TIMP3: variants seen among roughly 807,000 people sequenced by gnomAD.
The protein encoded by TIMP3 is metalloproteinase inhibitor 3.
A neutral mutation model predicts 30.0 loss-of-function variants in TIMP3; 11 were observed. The ratio of observed to expected loss-of-function variants is 0.37; its 90% CI spans 0.23 to 0.61. The LOEUF (loss-of-function observed/expected upper bound fraction) is 0.61. Among genes scored for constraint, TIMP3 ranks in the 20% least tolerant of loss-of-function variants. TIMP3 has a pLI of 0.70. For missense variants in TIMP3, 181 were observed against 276.8 expected (o/e 0.65, Z 2.45); for synonymous variants, 112 against 111.3 (o/e 1.01, Z -0.04).
At position 32,859,485 on chromosome 22, in the gene TIMP3, A is replaced by G; in HGVS notation, c.*108A>G. ...GAAATTAGTGCCTGTTTTCTTGCAA[A>G]TTTAGCACTTGGAACATTTAAAGAA... On this transcript the variant is annotated 3_prime_UTR_variant, in exon 5 of 5. Transcript: ENST00000266085. The G allele has an allele frequency of 1.5e-6, 2 of 1,358,164 alleles. No individual in the cohort carries two copies. The highest frequency in any genetic ancestry group is 2.0e-6 in the Non-Finnish European group (2 of 999,274). 84.1% of individuals were successfully genotyped at this position (1,358,164 alleles called of 1,614,324 possible). A position where few individuals can be genotyped will look rare whatever the true frequency, so the allele number is the denominator to read the frequency against.
chr22:32,807,621 A>G (rs1364652417), intron 1 of TIMP3, among the ~76,000 whole-genome samples: 1 of 150,258 alleles, frequency 6.7e-6, no homozygotes, highest in Non-Finnish European at 1.5e-5. Flanking sequence ...ACTGAGGCTT[A>G]GAAAAATGAG....
At chr22:32,846,268 T>C (rs1569271431) in intron 1 of TIMP3, among the ~76,000 whole-genome samples, 1 of 152,204 alleles carries the variant, frequency 6.6e-6, no homozygotes, top group East Asian at 1.9e-4. Flanking sequence ...AAATACCTCC[T>C]ATACTTGTTC....
rs117281568 is a variant in TIMP3 at position 32,827,329 on chromosome 22, C to T, written c.122-22123C>T. Among the ~76,000 whole-genome samples, 25 of 152,358 alleles carry T rather than the reference C, an allele frequency of 1.6e-4. No individual in the cohort carries two copies. In the East Asian group the frequency reaches 4.6e-3, roughly 28 times the overall value. ...TTTAAATATGTGAATTCATTTGGGC[C>T]TGGACAGCTGCATAGCTCAGGCTGG... On this transcript the variant is annotated intron_variant, in intron 1 of 4. Transcript: ENST00000266085.
chr22:32,807,722 C>T (rs1228640519), intron 1 of TIMP3, among the ~76,000 whole-genome samples: 1 of 151,144 alleles, frequency 6.6e-6, no homozygotes, highest in African/African-American at 2.4e-5. Context: ...AACAACTATA[C>T]TATAGGTCAC....
At chr22:32,841,543 A>T (rs2047902595) in intron 1 of TIMP3, among the ~76,000 whole-genome samples, 3 of 152,126 alleles carry the variant, frequency 2.0e-5, no homozygotes, top group Admixed American at 6.6e-5. Context: ...AAGGCCTGTT[A>T]TCTGGAGCTC....
Position 32,859,231 on chromosome 22 carries a change from C to A in TIMP3, c.490C>A (p.Leu164Ile). 6.2e-7 allele frequency: 1 copy of A among 1,614,174 alleles called. No individual in the cohort carries two copies. Among genetic ancestry groups the A allele is most frequent in the Non-Finnish European group, 8.5e-7 (1 of 1,180,044 alleles). ...CTTTGTGACTTCCAAGAACGAGTGTCTCTGGACCGACATGCTCTCCAATTT... is the reference window on the plus strand; with the variant it reads ...CTTTGTGACTTCCAAGAACGAGTGTATCTGGACCGACATGCTCTCCAATTT... Reference protein sequence around the residue: ...PCFVTSKNECLWTDMLSNFGY... With the variant: ...PCFVTSKNECIWTDMLSNFGY... The change falls in exon 5 of 5, where the codon CTC becomes ATC. Residue 164 changes from leucine (L) to isoleucine (I), a missense_variant. Physicochemically the swap from Leu to Ile is conservative, Grantham distance 5. Coordinates refer to ENST00000266085, the MANE Select transcript of TIMP3 (RefSeq NM_000362.5).
intron 3 of TIMP3, 146 bp from the exon 4 acceptor site, chr22:32,857,871 G>A (rs1281214210): frequency 2.4e-6 from 3 of 1,233,406 alleles, no homozygotes; most frequent in Non-Finnish European, 2.4e-6. Context: ...TTTAAAAGGT[G>A]TTGGGTAGGG....
intron 1 of TIMP3, among the ~76,000 whole-genome samples, chr22:32,824,531 G>T (rs1280890437): frequency 6.6e-6 from 1 of 151,896 alleles, no homozygotes; most frequent in Non-Finnish European, 1.5e-5. Context: ...GGGAGGAATT[G>T]CCCTTTTAAA....
In TIMP3 at chr22:32,802,159, G is replaced by A. The variant is rs776569221; in HGVS notation, c.121+37G>A. Reference sequence around the variant, plus strand: ...TGGTGCCCCGCCCGAGCCCCACGCTGCAGCCAGGACTGCAGCGCTGCTTAG... The same window carrying A: ...TGGTGCCCCGCCCGAGCCCCACGCTACAGCCAGGACTGCAGCGCTGCTTAG... On this transcript the variant is annotated intron_variant, in intron 1 of 4. Transcript: ENST00000266085. 4 of 1,563,942 alleles carry A rather than the reference G, an allele frequency of 2.6e-6. No homozygotes were observed. In the Admixed American group the frequency reaches 5.5e-5, roughly 21 times the overall value.
intron 1 of TIMP3, among the ~76,000 whole-genome samples, chr22:32,814,339 G>GAA (rs369652077): frequency 0.043 from 421 of 9,770 alleles, 2 homozygotes; most frequent in Middle Eastern, 0.083. Flanking sequence ...AAGAAAGAAA[G>GAA]AGAAAGAAAG....
intron 2 of TIMP3, among the ~76,000 whole-genome samples, chr22:32,856,926 C>T (rs2048385056): frequency 6.6e-6 from 1 of 152,188 alleles, no homozygotes; most frequent in Non-Finnish European, 1.5e-5. Flanking sequence ...CTTTCTGTGC[C>T]TGGCTTATTC....
intron 4 of TIMP3, among the ~76,000 whole-genome samples, chr22:32,858,851 A>G (rs2048453435): frequency 6.6e-6 from 1 of 152,100 alleles, no homozygotes; most frequent in South Asian, 2.1e-4. Context: ...CCCTAAAACA[A>G]CTGAGATCTC....
intron 2 of TIMP3, among the ~76,000 whole-genome samples, chr22:32,850,477 C>T (rs2048187155): frequency 6.6e-6 from 1 of 152,130 alleles, no homozygotes; most frequent in Non-Finnish European, 1.5e-5. Context: ...TGGGGCTTCA[C>T]CTTGAATAAC....
rs141770370 is a variant in TIMP3, at chr22:32,814,300, GGA to G, written c.121+12193_121+12194del. 1.7e-3 allele frequency among the ~76,000 whole-genome samples: 136 copies of G among 81,828 alleles called. 2 individuals carry two copies. Among genetic ancestry groups the G allele is most frequent in the South Asian group, 6.3e-3 (18 of 2,874 alleles). 53.7% of individuals were successfully genotyped at this position (81,828 alleles called of 152,430 possible). On this transcript the variant is annotated intron_variant, in intron 1 of 4. Transcript: ENST00000266085. ...GAGAGGGAGAGAGGGAAGGAAGGAA[GGA>G]GAGAGAGAGAGAGACAGAAAGAAAG...
At chr22:32,845,969 T>G (rs1394909363) in intron 1 of TIMP3, among the ~76,000 whole-genome samples, 1 of 152,230 alleles carries the variant, frequency 6.6e-6, no homozygotes, top group East Asian at 1.9e-4. Context: ...GACAGATTAA[T>G]GCACAAACCA....
At chr22:32,822,929 C>CA (rs367976058) in intron 1 of TIMP3, among the ~76,000 whole-genome samples, 56 of 25,374 alleles carry the variant, frequency 2.2e-3, no homozygotes, top group Middle Eastern at 0.04. Flanking sequence ...ACAACAACAA[C>CA]AAAAAAAAAA....
intron 1 of TIMP3, among the ~76,000 whole-genome samples, chr22:32,835,758 T>A (rs1015784748): frequency 4.6e-5 from 7 of 152,328 alleles, no homozygotes; most frequent in Admixed American, 3.3e-4. Flanking sequence ...GACTTCTCTC[T>A]TCCTGCCCTT....
At chr22:32,814,107 C>CGT (rs130279) in intron 1 of TIMP3, among the ~76,000 whole-genome samples, 23 of 97,726 alleles carry the variant, frequency 2.4e-4, no homozygotes, top group South Asian at 7.8e-4. Flanking sequence ...AGGCAATACT[C>CGT]GTGTGTGTGT....
chr22:32,817,944 C>T (rs1295923710), intron 1 of TIMP3, among the ~76,000 whole-genome samples: 2 of 152,156 alleles, frequency 1.3e-5, no homozygotes, highest in African/African-American at 2.4e-5. Context: ...CACCGTCCTA[C>T]CTAATCATTT....
Sources: allele counts gnomAD v4.1 joint callset (sites outside exome capture counted in the v4.1 genomes callset), GRCh38; gene constraint gnomAD v4.1.1; transcripts MANE v1.5; gene names NCBI Gene and HGNC (gene_info 2026-07-23, HGNC 2026-07-21).